The following MYO9B variants were observed in gnomAD, a reference collection of about 807,000 sequenced individuals.
MYO9B encodes the protein unconventional myosin-IXb.
Under a neutral mutation model 229.5 loss-of-function variants are expected in MYO9B, and 71 were observed. That is an observed-to-expected ratio of 0.31 (90% CI 0.26 to 0.38). The LOEUF (loss-of-function observed/expected upper bound fraction) is 0.38. Among genes scored for constraint, MYO9B ranks in the 10% least tolerant of loss-of-function variants. The pLI is 1.00. For missense variants in MYO9B, 2,255 were observed against 2,920.5 expected (o/e 0.77, Z 5.25); for synonymous variants, 1,185 against 1,235.8 (o/e 0.96, Z 0.86).
In MYO9B at chr19:17,167,957, C is replaced by T. The variant is rs376546871; in HGVS notation, c.1686C>T (p.Gly562=). 214 of 1,575,194 alleles carry T rather than the reference C, an allele frequency of 1.4e-4. 2 individuals carry two copies. Among genetic ancestry groups the T allele is most frequent in the South Asian group, 4.6e-5 (4 of 86,042 alleles). ...CACCCCTGCAGGAGGAATATCAGGG[C>T]GAGGGGATCACGTGGCACAACATCG... is the stretch of plus-strand genomic sequence containing the variant. The part of the protein sequence containing the change: ...IFKLEQEEYQ[G]EGITWHNIGY... The change falls in exon 11 of 40, where the codon GGC becomes GGT. Residue 562 remains glycine, a synonymous_variant. Transcript: ENST00000682292.
intron 38 of MYO9B, among the ~76,000 whole-genome samples, chr19:17,211,358 A>G (rs1005899144): frequency 6.6e-6 from 1 of 152,046 alleles, no homozygotes; most frequent in Admixed American, 6.5e-5. Context: ...TGCAGCCACA[A>G]TCCCCTAGGC....
chr19:17,178,351 C>T (rs1167865160), intron 14 of MYO9B: 1 of 152,166 alleles, frequency 6.6e-6, no homozygotes, highest in African/African-American at 2.4e-5. Flanking sequence ...ACCTGCAATC[C>T]CAGCGCTTTG....
At chr19:17,084,998 C>G (rs748492058) in intron 1 of MYO9B, among the ~76,000 whole-genome samples, 1 of 152,024 alleles carries the variant, frequency 6.6e-6, no homozygotes, top group Non-Finnish European at 1.5e-5. Flanking sequence ...AGAAGAACAC[C>G]AAGCTTTTGA....
chr19:17,125,887 C>G (rs2058012365), intron 2 of MYO9B, among the ~76,000 whole-genome samples: 1 of 152,176 alleles, frequency 6.6e-6, no homozygotes, highest in African/African-American at 2.4e-5. Flanking sequence ...AATAGGGGAG[C>G]CATGAGGTTG....
At position 17,172,489 on chromosome 19, in the gene MYO9B, C is replaced by T; in HGVS notation, c.1935+12C>T. The T allele has an allele frequency of 6.2e-7, 1 of 1,612,502 alleles. No homozygotes were observed. Among genetic ancestry groups the T allele is most frequent in the South Asian group, 1.1e-5 (1 of 90,776 alleles). On this transcript the variant is annotated intron_variant, in intron 12 of 39. Coordinates refer to ENST00000682292, the MANE Select transcript of MYO9B (RefSeq NM_004145.4). The surrounding 1 kb of genome is among the most constrained non-coding windows in gnomAD (Gnocchi z 8.2). Reference sequence around the variant, plus strand: ...AATATCAGATCAAGGTAGGTGTCTGCCCATCACCACTGGTGGAAGCCTGAG... The same window carrying T: ...AATATCAGATCAAGGTAGGTGTCTGTCCATCACCACTGGTGGAAGCCTGAG...
chr19:17,201,993 G>C lies in MYO9B; in HGVS notation c.4631G>C (p.Arg1544Thr). The C allele has an allele frequency of 6.2e-7, 1 of 1,612,936 alleles. No individual in the cohort carries two copies. The highest frequency in any genetic ancestry group is 8.5e-7 in the Non-Finnish European group (1 of 1,179,568). ...SLFIEATEKFRSNIKTMYSVP... is the reference protein window; with the variant it reads ...SLFIEATEKFTSNIKTMYSVP... ...TTTATCGAAGCCACCGAGAAGTTCA[G>C]GAGCAACATCAAAACGATGTACTCT... The change falls in exon 27 of 40, where the codon AGG becomes ACG. Residue 1544 changes from arginine (R) to threonine (T), a missense_variant. This residue lies in a region of MYO9B where 416 missense variants were observed against 605.5 expected (regional missense o/e 0.69). Transcript: ENST00000682292.
chr19:17,077,186 G>C (rs1473162985), intron 1 of MYO9B, among the ~76,000 whole-genome samples: 2 of 152,302 alleles, frequency 1.3e-5, no homozygotes, highest in African/African-American at 4.8e-5. Context: ...CAGGGACTTT[G>C]TGCAGGGTGC....
chr19:17,179,027 T>TAAAAA (rs779765764), intron 14 of MYO9B, among the ~76,000 whole-genome samples: 2 of 96,938 alleles, frequency 2.1e-5, no homozygotes, highest in African/African-American at 7.3e-5. Flanking sequence ...CAAGACTCTG[T>TAAAAA]AAAAAAAAAA....
intron 2 of MYO9B, among the ~76,000 whole-genome samples, chr19:17,136,320 C>T (rs910145330): frequency 2.6e-5 from 4 of 152,042 alleles, no homozygotes; most frequent in Non-Finnish European, 5.9e-5. Context: ...TCCAAGGAGA[C>T]GAGTCAGTGC....
At chr19:17,165,049 T>C (rs1210820513) in intron 10 of MYO9B, among the ~76,000 whole-genome samples, 1 of 152,138 alleles carries the variant, frequency 6.6e-6, no homozygotes, top group Non-Finnish European at 1.5e-5. Flanking sequence ...GTTTTATTTT[T>C]TGTAGAGACA....
chr19:17,100,759 G>A (rs565981883), intron 1 of MYO9B, among the ~76,000 whole-genome samples: 26 of 152,040 alleles, frequency 1.7e-4, no homozygotes, highest in Non-Finnish European at 3.2e-4. Context: ...CCAGTAGTCT[G>A]GAGTTGTGGC....
At chr19:17,154,159 T>G (rs1177011671) in intron 5 of MYO9B, 93 bp downstream of exon 5, 3 of 1,377,128 alleles carry the variant, frequency 2.2e-6, no homozygotes, top group Non-Finnish European at 3.1e-6. Flanking sequence ...CAGCCTGCCC[T>G]GGCCCCCGAA....
intron 3 of MYO9B, among the ~76,000 whole-genome samples, chr19:17,148,979 C>T (rs2072447151): frequency 6.6e-6 from 1 of 151,926 alleles, no homozygotes; most frequent in African/African-American, 2.4e-5. Flanking sequence ...TGCAAAGATC[C>T]TTTTTTATGT....
chr19:17,107,045 A>G (rs941433090), intron 2 of MYO9B, among the ~76,000 whole-genome samples: 38 of 95,298 alleles, frequency 4.0e-4, no homozygotes, highest in African/African-American at 1.6e-3. Context: ...CCTGGGCAAC[A>G]AGAGCGAAAT....
chr19:17,103,413 G>C (rs548930389), intron 2 of MYO9B: 2 of 152,310 alleles, frequency 1.3e-5, no homozygotes, highest in East Asian at 3.8e-4. Context: ...AAAAGGGAGC[G>C]GGGAGAGGCA....
At chr19:17,168,856 T>C (rs1446699222) in intron 11 of MYO9B, among the ~76,000 whole-genome samples, 1 of 152,138 alleles carries the variant, frequency 6.6e-6, no homozygotes, top group African/African-American at 2.4e-5. Context: ...GCTGCTGGGC[T>C]CTGGTCTCAC....
At position 17,210,232 on chromosome 19, in the gene MYO9B, C is replaced by G. The variant is rs757588297; in HGVS notation, c.5749-101C>G. ...ACGGGCTCTGGGCTCCTGTGGGAAC[C>G]AGGGACCCCCTATCTTGGTACCGGT... is the stretch of plus-strand genomic sequence containing the variant. On this transcript the variant is annotated intron_variant, in intron 36 of 39. Coordinates refer to ENST00000682292, the MANE Select transcript of MYO9B (RefSeq NM_004145.4). The G allele has an allele frequency of 2.6e-5, 32 of 1,252,700 alleles. No homozygotes were observed. In the Admixed American group the frequency reaches 3.9e-4, roughly 15 times the overall value. The allele number at this position is 1,252,700 out of a possible 1,614,324, so 77.6% of individuals were successfully genotyped here. A position where few individuals can be genotyped will look rare whatever the true frequency, so the allele number is the denominator to read the frequency against.
chr19:17,202,860 A>C lies in MYO9B; in HGVS notation c.4855A>C (p.Lys1619Gln). The C allele has an allele frequency of 6.2e-7, 1 of 1,601,588 alleles. No individual in the cohort carries two copies. The highest frequency in any genetic ancestry group is 8.5e-7 in the Non-Finnish European group (1 of 1,174,368). The stretch of plus-strand genomic sequence containing the variant: ...CTCACAGCAGAGCAAAGCTCAGAAG[A>C]AGAAGCGGAAGCAGGAGCGTGCTGT... ...EPVKQSKAQK[K>Q]KRKQERAVQE... Residue 1619 changes from lysine to glutamine, a missense_variant, in exon 29 of 40, where the codon AAG becomes CAG. By Grantham distance (53) the Lys-to-Gln change is moderately conservative. This residue lies in a region of MYO9B where 416 missense variants were observed against 605.5 expected (regional missense o/e 0.69). Transcript: ENST00000682292.
chr19:17,175,046 A>G (rs1046452659), intron 13 of MYO9B, among the ~76,000 whole-genome samples: 3 of 151,858 alleles, frequency 2.0e-5, no homozygotes, highest in African/African-American at 7.3e-5. Flanking sequence ...GGAGGCCAAG[A>G]CAGCTCTCTT....
Sources: gnomAD v4.1 joint callset for allele counts (sites outside exome capture counted in the v4.1 genomes callset) on GRCh38, gnomAD v4.1.1 for gene constraint, gnomAD v4.1.1 regional missense constraint, Gnocchi (gnomAD v3.1) non-coding constraint, MANE v1.5 for transcripts, NCBI Gene and HGNC (gene_info 2026-07-23, HGNC 2026-07-21) for gene names.